The following MAGI2 variants were observed in gnomAD, a reference collection of about 807,000 sequenced individuals.
MAGI2 encodes membrane associated guanylate kinase, WW and PDZ domain containing 2, also known as membrane-associated guanylate kinase, WW and PDZ domain-containing protein 2.
A neutral mutation model predicts 133.3 loss-of-function variants in MAGI2; 35 were observed. That is an observed-to-expected ratio of 0.26 (90% CI 0.20 to 0.35). The LOEUF is 0.35. MAGI2 is among the 10% of genes least tolerant of loss of function. The pLI, the probability that MAGI2 is intolerant of heterozygous loss-of-function variation, is 1.00. For missense variants in MAGI2, 1,636 were observed against 1,863.4 expected, an observed-to-expected ratio of 0.88 and a Z score of 2.25; for synonymous variants, 729 against 710.6, an observed-to-expected ratio of 1.03 and a Z score of -0.41.
intron 3 of MAGI2, among the ~76,000 whole-genome samples, chr7:78,536,678 T>C (rs1269992887): frequency 6.6e-6 from 1 of 152,130 alleles, no homozygotes; most frequent in African/African-American, 2.4e-5. Context: ...ATAAGCAATC[T>C]TGGACATATC....
chr7:79,048,987 A>G (rs529790329), intron 1 of MAGI2, among the ~76,000 whole-genome samples: 28 of 152,320 alleles, frequency 1.8e-4, no homozygotes, highest in African/African-American at 6.7e-4. Context: ...AAACAGTTTA[A>G]CAAAGAATAA....
At chr7:79,179,161 A>C in intron 1 of MAGI2, among the ~76,000 whole-genome samples, 1 of 152,130 alleles carries the variant, frequency 6.6e-6, no homozygotes, top group East Asian at 1.9e-4. Flanking sequence ...AATTTAGTTT[A>C]AATATTGTGA....
rs766228066 is a variant in MAGI2 at position 79,007,102 on chromosome 7, G to A, written c.406C>T (p.Arg136Cys). ...QQIIRDNLYL[R>C]TVPCTTRPHK... ...CCATTGTACTCACATGGCACCGTGC[G>A]GAGGTAGAGGTTGTCACGAATGATT... The change falls in exon 2 of 22, where the codon CGC (arginine) becomes TGC (cysteine). Residue 136 changes from arginine to cysteine, a missense_variant. Around this residue, in one of 5 missense-constraint regions of MAGI2, gnomAD observed 148 missense variants for 239.0 expected, o/e 0.62. Coordinates refer to ENST00000354212, the MANE Select transcript of MAGI2 (RefSeq NM_012301.4). 3.1e-6 allele frequency: 5 copies of A among 1,609,554 alleles called. No homozygotes were observed. The highest frequency in any genetic ancestry group is 1.1e-5 in the South Asian group (1 of 90,502).
chr7:79,370,963 C>T (rs1843011492), intron 1 of MAGI2, among the ~76,000 whole-genome samples: 1 of 151,954 alleles, frequency 6.6e-6, no homozygotes, highest in Non-Finnish European at 1.5e-5. Flanking sequence ...GATCTCATGG[C>T]TTCCAGATAA....
At position 78,058,426 on chromosome 7, in the gene MAGI2, CA is replaced by C. The variant is rs371676500; in HGVS notation, c.3706+20520del. Among the ~76,000 whole-genome samples the C allele has an allele frequency of 1.9e-3, 290 of 151,998 alleles. 2 individuals carry two copies. The highest frequency in any genetic ancestry group is 1.8e-3 in the Non-Finnish European group (122 of 68,008). Reference sequence around the variant, plus strand: ...AACTGCTGAAGCCACAACTATGATGCAGTTGCTTGTTGTGAATCACTATTTG... The same window carrying C: ...AACTGCTGAAGCCACAACTATGATGCGTTGCTTGTTGTGAATCACTATTTG... On this transcript the variant is annotated intron_variant, in intron 21 of 21. Coordinates refer to ENST00000354212, the MANE Select transcript of MAGI2 (RefSeq NM_012301.4).
chr7:79,067,554 A>T (rs926681063), intron 1 of MAGI2, among the ~76,000 whole-genome samples: 1 of 152,124 alleles, frequency 6.6e-6, no homozygotes. Context: ...CTGCAAACAG[A>T]GACAATTTGA....
chr7:79,440,582 A>G (rs1052180410), intron 1 of MAGI2, among the ~76,000 whole-genome samples: 10 of 152,074 alleles, frequency 6.6e-5, no homozygotes, highest in Admixed American at 5.9e-4. Flanking sequence ...TTATCTTGGT[A>G]AAGATACTCC....
chr7:78,616,186 C>T (rs1807065419), intron 3 of MAGI2: 1 of 152,108 alleles, frequency 6.6e-6, no homozygotes, highest in African/African-American at 2.4e-5. Flanking sequence ...ATTCTAGTTC[C>T]TTTGTTTTAA....
At chr7:78,719,752 G>A (rs764549896) in intron 2 of MAGI2, among the ~76,000 whole-genome samples, 6 of 152,150 alleles carry the variant, frequency 3.9e-5, no homozygotes, top group Non-Finnish European at 4.4e-5. Flanking sequence ...ACTATCAATA[G>A]TTTCATTACA....
chr7:79,067,655 G>A (rs776840045), intron 1 of MAGI2, among the ~76,000 whole-genome samples: 46 of 152,184 alleles, frequency 3.0e-4, no homozygotes, highest in Admixed American at 8.5e-4. Flanking sequence ...AACATGAGTG[G>A]TGAGAGAAGG....
Position 78,256,060 on chromosome 7 carries a change from C to T in MAGI2, c.1930G>A (p.Asp644Asn), listed in dbSNP as rs1448739111. Residue 644 changes from aspartate to asparagine, a missense_variant, in exon 10 of 22, where the codon GAC becomes AAC. By Grantham distance (23) the Asp-to-Asn change is conservative. This residue lies in a region of MAGI2 where 920 missense variants were observed against 1,093.5 expected (regional missense o/e 0.84). Transcript: ENST00000354212. ...TGCTGGTTGATCTCAACAATGAGGT[C>T]GCCTTCACACAGGCCAGGGCATCCC... is the stretch of plus-strand genomic sequence containing the variant. ...IQGCPGLCEG[D>N]LIVEINQQNV... The T allele has an allele frequency of 5.6e-6, 9 of 1,613,462 alleles. No homozygotes were observed. Among genetic ancestry groups the T allele is most frequent in the South Asian group, 1.1e-5 (1 of 90,986 alleles).
At chr7:78,367,381 A>T (rs1248887043) in intron 7 of MAGI2, among the ~76,000 whole-genome samples, 1 of 152,210 alleles carries the variant, frequency 6.6e-6, no homozygotes, top group African/African-American at 2.4e-5. Context: ...GGAGCTGAAG[A>T]TATGAAAAAA....
chr7:79,305,398 G>A (rs539287302), intron 1 of MAGI2, among the ~76,000 whole-genome samples: 66 of 152,128 alleles, frequency 4.3e-4, no homozygotes, highest in Non-Finnish European at 7.2e-4. Flanking sequence ...AAATAATAAT[G>A]GTATAACACT....
intron 1 of MAGI2, among the ~76,000 whole-genome samples, chr7:79,048,331 T>C (rs886274498): frequency 6.6e-6 from 1 of 152,190 alleles, no homozygotes; most frequent in African/African-American, 2.4e-5. Context: ...GAAATAATGC[T>C]GAAATAATAT....
At chr7:79,305,375 C>T (rs2129560101) in intron 1 of MAGI2, among the ~76,000 whole-genome samples, 1 of 152,202 alleles carries the variant, frequency 6.6e-6, no homozygotes, top group Middle Eastern at 3.4e-3. Flanking sequence ...TATCTAACCA[C>T]ATTAAATGAG....
At chr7:78,141,272 C>G (rs1822720400) in intron 16 of MAGI2, among the ~76,000 whole-genome samples, 1 of 152,104 alleles carries the variant, frequency 6.6e-6, no homozygotes. Context: ...ACAAAGTGTT[C>G]CCATCTCTTT....
intron 2 of MAGI2, among the ~76,000 whole-genome samples, chr7:78,864,100 A>G (rs1207527767): frequency 6.6e-6 from 1 of 152,240 alleles, no homozygotes; most frequent in African/African-American, 2.4e-5. Flanking sequence ...TGTCTGAATA[A>G]TCTCTACTTG....
intron 3 of MAGI2, among the ~76,000 whole-genome samples, chr7:78,624,328 T>C (rs946931899): frequency 4.6e-5 from 7 of 152,162 alleles, no homozygotes; most frequent in African/African-American, 1.7e-4. Flanking sequence ...TTAGATCCCA[T>C]TTGTCAATTC....
At chr7:79,410,639 T>C (rs1310570337) in intron 1 of MAGI2, 2 of 151,986 alleles carry the variant, frequency 1.3e-5, no homozygotes, top group African/African-American at 4.8e-5. Context: ...TAGCTTTCTA[T>C]AAAAGCAAAA....
Sources: allele counts gnomAD v4.1 joint callset (sites outside exome capture counted in the v4.1 genomes callset), GRCh38; gene constraint gnomAD v4.1.1; regional missense constraint gnomAD v4.1.1; transcripts MANE v1.5; gene names NCBI Gene and HGNC (gene_info 2026-07-23, HGNC 2026-07-21).